KIF16B: variants seen among roughly 807,000 people sequenced by gnomAD.
The protein encoded by KIF16B is kinesin family member 16B.
KIF16B carries 98 observed loss-of-function variants against 156.3 expected under a neutral mutation model. The ratio of observed to expected loss-of-function variants is 0.63; its 90% CI spans 0.53 to 0.74. KIF16B has a LOEUF of 0.74. Ranked by LOEUF, KIF16B falls within the 30% of genes least tolerant of loss-of-function variation. The probability of loss-of-function intolerance (pLI) is 0.00; values close to 1 mark genes in which losing one functional copy is unlikely to be tolerated. For missense variants in KIF16B, 1,421 were observed against 1,606.5 expected (o/e 0.88, Z 1.97); for synonymous variants, 564 against 583.7 (o/e 0.97, Z 0.49).
intron 24 of KIF16B, among the ~76,000 whole-genome samples, chr20:16,329,302 A>T (rs1411741726): frequency 6.6e-6 from 1 of 152,182 alleles, no homozygotes; most frequent in Non-Finnish European, 1.5e-5. Context: ...ATAATAGGTA[A>T]GCTTCATGAA....
chr20:16,308,285 T>C (rs2063569299), intron 25 of KIF16B, among the ~76,000 whole-genome samples: 2 of 152,244 alleles, frequency 1.3e-5, no homozygotes, highest in South Asian at 2.1e-4. Flanking sequence ...GCTTGTGTTA[T>C]TAACTAGTTT....
chr20:16,538,604 GACGAA>G (rs1317741949), intron 1 of KIF16B, among the ~76,000 whole-genome samples: 1 of 152,100 alleles, frequency 6.6e-6, no homozygotes, highest in East Asian at 1.9e-4. Context: ...GGGGGAGGAG[GACGAA>G]AGGAAAGGAA....
intron 24 of KIF16B, among the ~76,000 whole-genome samples, chr20:16,325,839 C>G (rs2063838185): frequency 6.6e-6 from 1 of 151,904 alleles, no homozygotes; most frequent in Non-Finnish European, 1.5e-5. Flanking sequence ...CCCACATAGC[C>G]AAAGCAAGAC....
chr20:16,479,917 T>A (rs1036654425), intron 12 of KIF16B, among the ~76,000 whole-genome samples: 2 of 152,150 alleles, frequency 1.3e-5, no homozygotes, highest in Non-Finnish European at 2.9e-5. Flanking sequence ...GTACATTCCA[T>A]GTGGATAAAG....
intron 25 of KIF16B, among the ~76,000 whole-genome samples, chr20:16,296,090 G>A (rs1260313655): frequency 6.6e-6 from 1 of 152,108 alleles, no homozygotes; most frequent in Non-Finnish European, 1.5e-5. Flanking sequence ...CAGCATCTAT[G>A]TGAACTGTAA....
chr20:16,281,404 T>A (rs2063144310), intron 25 of KIF16B, among the ~76,000 whole-genome samples: 1 of 152,050 alleles, frequency 6.6e-6, no homozygotes. Context: ...TGAAGATGGA[T>A]CAGGCCTGAA....
intron 24 of KIF16B, among the ~76,000 whole-genome samples, chr20:16,335,393 G>T (rs183138189): frequency 6.6e-6 from 1 of 152,158 alleles, no homozygotes; most frequent in African/African-American, 2.4e-5. Context: ...CTGGATATTT[G>T]ATCTGATGCA....
intron 22 of KIF16B, among the ~76,000 whole-genome samples, chr20:16,365,251 T>A (rs1197212533): frequency 6.6e-6 from 1 of 151,998 alleles, no homozygotes; most frequent in Non-Finnish European, 1.5e-5. Flanking sequence ...TAAAAATAAA[T>A]TAGGAGAAAT....
At chr20:16,309,799 G>A (rs1009832132) in intron 25 of KIF16B, among the ~76,000 whole-genome samples, 1 of 152,106 alleles carries the variant, frequency 6.6e-6, no homozygotes, top group Non-Finnish European at 1.5e-5. Flanking sequence ...TGTCCTACTT[G>A]AATCCATATG....
At chr20:16,487,655 A>G (rs994674205) in intron 12 of KIF16B, among the ~76,000 whole-genome samples, 1 of 152,250 alleles carries the variant, frequency 6.6e-6, no homozygotes, top group African/African-American at 2.4e-5. Flanking sequence ...TTAAGCCGGA[A>G]AAGAATCCCA....
At chr20:16,431,144 C>T (rs1328661978) in intron 12 of KIF16B, among the ~76,000 whole-genome samples, 3 of 152,098 alleles carry the variant, frequency 2.0e-5, no homozygotes, top group East Asian at 3.9e-4. Flanking sequence ...AACATCAAGC[C>T]ACCCGCAGCA....
chr20:16,303,512 A>C (rs2063500894), intron 25 of KIF16B, among the ~76,000 whole-genome samples: 1 of 152,236 alleles, frequency 6.6e-6, no homozygotes, highest in Non-Finnish European at 1.5e-5. Flanking sequence ...GTGGTAGAGC[A>C]AGCACTCAAA....
chr20:16,336,613 T>C (rs977904055), intron 23 of KIF16B, among the ~76,000 whole-genome samples: 5 of 152,104 alleles, frequency 3.3e-5, no homozygotes, highest in African/African-American at 1.2e-4. Flanking sequence ...ATACCCAACT[T>C]GGCACATCTT....
rs73898750 is a variant in KIF16B at position 16,439,977 on chromosome 20, C to T, written c.1303-9995G>A. 3.8e-3 allele frequency among the ~76,000 whole-genome samples: 575 copies of T among 152,264 alleles called. 3 individuals are homozygous for T. The highest frequency in any genetic ancestry group is 0.024 in the Middle Eastern group (7 of 294). On this transcript the variant is annotated intron_variant, in intron 12 of 25. Coordinates refer to ENST00000354981, the MANE Select transcript of KIF16B (RefSeq NM_024704.5). ...AACCACATCAGAGATGAACAAGGTC[C>T]CTGCTCAGACAAAGCTTATTTCCTA... is the stretch of plus-strand genomic sequence containing the variant.
intron 17 of KIF16B, among the ~76,000 whole-genome samples, chr20:16,394,738 A>T (rs1264271883): frequency 1.3e-5 from 2 of 152,136 alleles, no homozygotes; most frequent in Non-Finnish European, 2.9e-5. Flanking sequence ...GAAAAAAAAA[A>T]GGATAAGACA....
At chr20:16,392,037 T>A (rs559076167) in intron 17 of KIF16B, among the ~76,000 whole-genome samples, 1 of 152,252 alleles carries the variant, frequency 6.6e-6, no homozygotes, top group East Asian at 1.9e-4. Flanking sequence ...CCGTAAGAAA[T>A]AACTTTTAAT....
chr20:16,493,481 G>A (rs2068359290), intron 12 of KIF16B, among the ~76,000 whole-genome samples: 1 of 152,134 alleles, frequency 6.6e-6, no homozygotes, highest in African/African-American at 2.4e-5. Flanking sequence ...CATCTATCTG[G>A]TCTCATCAAT....
At chr20:16,334,508 A>AGTGT (rs2122938711) in intron 24 of KIF16B, among the ~76,000 whole-genome samples, 1 of 152,326 alleles carries the variant, frequency 6.6e-6, no homozygotes, top group African/African-American at 2.4e-5. Flanking sequence ...AAGACTAGAG[A>AGTGT]GTGTGACAGC....
intron 12 of KIF16B, among the ~76,000 whole-genome samples, chr20:16,460,718 T>C (rs116285063): frequency 2.0e-5 from 3 of 151,932 alleles, no homozygotes; most frequent in South Asian, 4.1e-4. Context: ...AAGGCACTGA[T>C]AGGAAGCAAC....
Sources: allele counts gnomAD v4.1 joint callset (sites outside exome capture counted in the v4.1 genomes callset), GRCh38; gene constraint gnomAD v4.1.1; transcripts MANE v1.5; gene names NCBI Gene and HGNC (gene_info 2026-07-23, HGNC 2026-07-21).